GLIS3: variants seen among roughly 807,000 people sequenced by gnomAD.
GLIS3 encodes zinc finger protein GLIS3.
A neutral mutation model predicts 78.6 loss-of-function variants in GLIS3; 53 were observed. That is an observed-to-expected ratio of 0.67 (90% confidence interval 0.54 to 0.85). The LOEUF is 0.85. Among genes scored for constraint, GLIS3 ranks in the 40% least tolerant of loss-of-function variants. The probability of loss-of-function intolerance (pLI) is 0.00; values close to 1 mark genes in which losing one functional copy is unlikely to be tolerated. For missense variants in GLIS3, 1,703 were observed against 1,231.1 expected, an observed-to-expected ratio of 1.38 and a Z score of -5.74; for synonymous variants, 684 against 509.9, an observed-to-expected ratio of 1.34 and a Z score of -4.60.
intron 2 of GLIS3, among the ~76,000 whole-genome samples, chr9:4,138,391 T>C (rs946393233): frequency 8.5e-5 from 13 of 152,214 alleles, no homozygotes; most frequent in African/African-American, 2.4e-4. Context: ...CAGGAAACAA[T>C]TGGCAAACAC....
At chr9:4,488,516 C>T in the GLIS3 span, among the ~76,000 whole-genome samples, 1 of 125,022 alleles carries the variant, frequency 8.0e-6, no homozygotes, top group African/African-American at 3.0e-5. Flanking sequence ...CTCGCGCACG[C>T]TCTCTCTCTT....
intron 2 of GLIS3, among the ~76,000 whole-genome samples, chr9:4,255,784 A>T (rs1370407279): frequency 2.0e-5 from 3 of 152,128 alleles, no homozygotes; most frequent in Non-Finnish European, 4.4e-5. Context: ...CTATAATACT[A>T]GATACATGTC....
chr9:4,384,396 G>C, the GLIS3 span, among the ~76,000 whole-genome samples: 10 of 152,094 alleles, frequency 6.6e-5, no homozygotes, highest in Non-Finnish European at 1.2e-4. Flanking sequence ...TATTTTCTAA[G>C]TTGTCAATAT....
chr9:4,071,352 G>C (rs1827593101), intron 4 of GLIS3: 1 of 152,226 alleles, frequency 6.6e-6, no homozygotes, highest in South Asian at 2.1e-4. Context: ...TCAAGGTACA[G>C]AGGAACACTT....
chr9:4,348,852 G>A (rs548545530), upstream of GLIS3, among the ~76,000 whole-genome samples: 20 of 152,218 alleles, frequency 1.3e-4, no homozygotes, highest in African/African-American at 4.8e-4. Context: ...AGAAAATACG[G>A]AAATTATAAA....
chr9:4,308,953 G>A (rs1007594637), exon 4 of GLIS3: 1 of 152,198 alleles, frequency 6.6e-6, no homozygotes, highest in Non-Finnish European at 1.5e-5. Flanking sequence ...TAAGCTCTTT[G>A]TGCCTGTCTC....
At chr9:4,376,555 T>G in the GLIS3 span, among the ~76,000 whole-genome samples, 23 of 134,898 alleles carry the variant, frequency 1.7e-4, 4 homozygotes, top group Middle Eastern at 4.2e-3. Context: ...CTTTTGTAAG[T>G]CATTAGCAAG....
At chr9:4,458,699 G>T in the GLIS3 span, among the ~76,000 whole-genome samples, 1 of 152,300 alleles carries the variant, frequency 6.6e-6, no homozygotes, top group South Asian at 2.1e-4. Flanking sequence ...TCGGGAGGCT[G>T]AGGCAGGAGA....
At chr9:4,456,260 G>A in the GLIS3 span, among the ~76,000 whole-genome samples, 2 of 152,196 alleles carry the variant, frequency 1.3e-5, no homozygotes, top group African/African-American at 4.8e-5. Flanking sequence ...TAAATTTTTG[G>A]TGGTAGTGTC....
the GLIS3 span, among the ~76,000 whole-genome samples, chr9:4,415,033 T>G: frequency 6.6e-6 from 1 of 152,250 alleles, no homozygotes; most frequent in Non-Finnish European, 1.5e-5. Context: ...TAGTTCTAAA[T>G]AAACTGTTTG....
At chr9:4,039,645 C>T (rs1588512190) in intron 4 of GLIS3, among the ~76,000 whole-genome samples, 1 of 152,176 alleles carries the variant, frequency 6.6e-6, no homozygotes, top group Non-Finnish European at 1.5e-5. Flanking sequence ...AGTGCCAAAG[C>T]CTGACCCAGA....
intron 4 of GLIS3, among the ~76,000 whole-genome samples, chr9:3,980,366 C>A (rs1290901658): frequency 6.6e-6 from 1 of 152,178 alleles, no homozygotes. Context: ...ACGTAAGTGG[C>A]AGAGCTGGGA....
At chr9:4,404,762 A>G in the GLIS3 span, among the ~76,000 whole-genome samples, 1 of 152,298 alleles carries the variant, frequency 6.6e-6, no homozygotes, top group South Asian at 2.1e-4. Context: ...ACATCAAAAA[A>G]GAAGAAAAGC....
At chr9:4,065,949 A>C (rs144374780) in intron 4 of GLIS3, among the ~76,000 whole-genome samples, 3 of 152,234 alleles carry the variant, frequency 2.0e-5, no homozygotes, top group African/African-American at 7.2e-5. Flanking sequence ...GCACATAAAA[A>C]ATATGAGACT....
intron 4 of GLIS3, among the ~76,000 whole-genome samples, chr9:4,108,996 G>T (rs111885020): frequency 6.6e-6 from 1 of 152,082 alleles, no homozygotes; most frequent in Non-Finnish European, 1.5e-5. Context: ...TGCCTTCCCC[G>T]GTCTAGAGAG....
intron 4 of GLIS3, among the ~76,000 whole-genome samples, chr9:4,105,587 A>C (rs1282707073): frequency 2.0e-5 from 3 of 152,120 alleles, no homozygotes; most frequent in Non-Finnish European, 4.4e-5. Flanking sequence ...TTTTAAACTA[A>C]ATTGCCCATT....
At chr9:3,904,365 C>T (rs1487767764) in intron 6 of GLIS3, among the ~76,000 whole-genome samples, 2 of 152,206 alleles carry the variant, frequency 1.3e-5, no homozygotes, top group African/African-American at 2.4e-5. Context: ...CTCTGGAATG[C>T]AGCATCAGTT....
intron 4 of GLIS3, among the ~76,000 whole-genome samples, chr9:4,018,165 A>G (rs905717247): frequency 7.2e-5 from 11 of 152,358 alleles, no homozygotes; most frequent in Admixed American, 5.9e-4. Flanking sequence ...AAGAAAGGAA[A>G]GGAGGTAGGA....
At chr9:4,175,876 G>A (rs79682760) in intron 2 of GLIS3, among the ~76,000 whole-genome samples, 12 of 152,158 alleles carry the variant, frequency 7.9e-5, no homozygotes, top group African/African-American at 2.9e-4. Context: ...TTTGACAGAT[G>A]AAAAAACTGA....
Sources: gnomAD v4.1 joint callset for allele counts (sites outside exome capture counted in the v4.1 genomes callset) on GRCh38, gnomAD v4.1.1 for gene constraint, MANE v1.5 for transcripts, NCBI Gene and HGNC (gene_info 2026-07-23, HGNC 2026-07-21) for gene names.